FRYL: variants seen among roughly 807,000 people sequenced by gnomAD.
FRYL encodes the protein protein furry homolog-like.
FRYL carries 150 observed loss-of-function variants against 351.2 expected under a neutral mutation model. The ratio of observed to expected loss-of-function variants is 0.43; its 90% CI spans 0.37 to 0.49. The LOEUF is 0.49. Among genes scored for constraint, FRYL ranks in the 20% least tolerant of loss-of-function variants. FRYL has a pLI of 0.00. For synonymous variants in FRYL, 1,153 were observed against 1,257.1 expected (o/e 0.92, Z 1.75); for missense variants, 3,036 against 3,619.3 (o/e 0.84, Z 4.13).
chr4:48,530,344 T>A (rs2148876576), intron 50 of FRYL, among the ~76,000 whole-genome samples: 1 of 152,252 alleles, frequency 6.6e-6, no homozygotes, highest in Admixed American at 6.5e-5. Flanking sequence ...CCTTCTTCAT[T>A]ACCTCTGCAA....
chr4:48,570,080 C>T (rs1353422567), intron 27 of FRYL, among the ~76,000 whole-genome samples: 1 of 152,184 alleles, frequency 6.6e-6, no homozygotes, highest in Non-Finnish European at 1.5e-5. Flanking sequence ...TCCCAAAATG[C>T]TGGGATTACA....
At chr4:48,557,149 G>C in intron 34 of FRYL, 31 bp from the exon 35 acceptor site, 1 of 1,556,054 alleles carries the variant, frequency 6.4e-7, no homozygotes, top group Non-Finnish European at 8.7e-7. Flanking sequence ...AGATACTTCA[G>C]TCATGACTGC....
chr4:48,550,908 C>A (rs1201331353), intron 37 of FRYL, among the ~76,000 whole-genome samples: 2 of 152,098 alleles, frequency 1.3e-5, no homozygotes, highest in Non-Finnish European at 2.9e-5. Context: ...CCCGTGTCTA[C>A]TAAAATACCA....
At chr4:48,715,108 T>C (rs1312970490) in intron 1 of FRYL, among the ~76,000 whole-genome samples, 3 of 152,136 alleles carry the variant, frequency 2.0e-5, no homozygotes, top group Non-Finnish European at 4.4e-5. Context: ...AATTAGGTAT[T>C]GATGGGACGT....
At chr4:48,740,263 A>G (rs1771894429) in intron 1 of FRYL, among the ~76,000 whole-genome samples, 1 of 151,876 alleles carries the variant, frequency 6.6e-6, no homozygotes. Context: ...AGAACTCTTA[A>G]AATTCAACAA....
chr4:48,763,686 C>T (rs1184782316), intron 1 of FRYL, among the ~76,000 whole-genome samples: 1 of 152,110 alleles, frequency 6.6e-6, no homozygotes, highest in African/African-American at 2.4e-5. Flanking sequence ...AAAGGTCATA[C>T]TAAACACTGA....
chr4:48,651,159 GCTCAA>G (rs1757548480), intron 3 of FRYL, among the ~76,000 whole-genome samples: 2 of 152,022 alleles, frequency 1.3e-5, no homozygotes, highest in African/African-American at 4.8e-5. Flanking sequence ...GGGCTCCTGG[GCTCAA>G]GCAATCCTCT....
At chr4:48,520,247 A>C (rs1169171113) in intron 55 of FRYL, among the ~76,000 whole-genome samples, 1 of 152,248 alleles carries the variant, frequency 6.6e-6, no homozygotes, top group Non-Finnish European at 1.5e-5. Flanking sequence ...TAAGGAAGCC[A>C]AAGTGCCTTC....
chr4:48,664,206 T>C (rs1467192904), intron 3 of FRYL, among the ~76,000 whole-genome samples: 2 of 152,084 alleles, frequency 1.3e-5, no homozygotes, highest in Non-Finnish European at 2.9e-5. Context: ...CTCCAGGAAA[T>C]ATTAAAGTAG....
intron 4 of FRYL, among the ~76,000 whole-genome samples, chr4:48,633,777 G>C (rs538426337): frequency 2.6e-5 from 4 of 152,182 alleles, no homozygotes; most frequent in Non-Finnish European, 5.9e-5. Context: ...CCTGAACTAT[G>C]TACAATAACT....
Position 48,540,002 on chromosome 4 carries a change from A to C in FRYL, c.6362T>G (p.Phe2121Cys), listed in dbSNP as rs768358789. The change falls in exon 47 of 64, where the codon TTT (phenylalanine) becomes TGT (cysteine). Residue 2121 changes from phenylalanine to cysteine, a missense_variant. Physicochemically the swap from Phe to Cys is radical, Grantham distance 205 (BLOSUM62 -2). Transcript: ENST00000358350. ...LIQHFDSPTQ[F>C]CKETASRIAK... ...TATTCGACTAGCTGTTTCTTTGCAAAACTGAGTTGGGCTGTCAAAATGCTG... is the reference window on the plus strand; with the variant it reads ...TATTCGACTAGCTGTTTCTTTGCAACACTGAGTTGGGCTGTCAAAATGCTG... 6.2e-7 allele frequency: 1 copy of C among 1,613,268 alleles called. No homozygotes were observed. Among genetic ancestry groups the C allele is most frequent in the East Asian group, 2.2e-5 (1 of 44,802 alleles).
chr4:48,505,486 C>CA (rs953496669), intron 60 of FRYL, 61 bp downstream of exon 60: 2 of 875,482 alleles, frequency 2.3e-6, no homozygotes, highest in African/African-American at 3.3e-5. Context: ...TATTTGAACA[C>CA]ATGCATTGTT....
At position 48,720,411 on chromosome 4, in the gene FRYL, T is replaced by G. The variant is rs200672232; in HGVS notation, c.-383-9713A>C. Among the ~76,000 whole-genome samples the G allele has an allele frequency of 5.9e-5, 9 of 151,978 alleles. 1 individual carries two copies. The East Asian group carries it at 1.7e-3, about 29-fold the overall frequency. On this transcript the variant is annotated intron_variant, in intron 1 of 63. Coordinates refer to ENST00000358350, the MANE Select transcript of FRYL (RefSeq NM_015030.2). ...ACTCAGAAGGCTGAGGCAGGAGAAC[T>G]GCTTGAACCCGGGAGGTGGAGGTTG...
chr4:48,655,555 A>G (rs1455409929), intron 3 of FRYL, among the ~76,000 whole-genome samples: 2 of 150,852 alleles, frequency 1.3e-5, no homozygotes, highest in African/African-American at 2.4e-5. Context: ...TTTATCCTCC[A>G]AAGTGATTTC....
At position 48,540,552 on chromosome 4, in the gene FRYL, A is replaced by G. The variant is rs1729942189; in HGVS notation, c.6096T>C (p.His2032=). 6.2e-7 allele frequency: 1 copy of G among 1,613,708 alleles called. No homozygotes were observed. Among genetic ancestry groups the G allele is most frequent in the Non-Finnish European group, 8.5e-7 (1 of 1,179,662 alleles). The change falls in exon 46 of 64, where the codon CAT becomes CAC. Residue 2032 remains histidine (H), a synonymous_variant. Coordinates refer to ENST00000358350, the MANE Select transcript of FRYL (RefSeq NM_015030.2). The part of the protein sequence containing the change: ...ALRLLNKLLI[H]LPLDKSESRE... ...GACTCTCTGATTTATCCAAAGGCAA[A>G]TGGATAAGCAGTTTGTTGAGAAGCC...
chr4:48,695,799 T>A (rs1766104199), intron 2 of FRYL, among the ~76,000 whole-genome samples: 1 of 151,846 alleles, frequency 6.6e-6, no homozygotes, highest in Admixed American at 6.6e-5. Context: ...AGGTCTAATA[T>A]CCAGAATCTA....
intron 3 of FRYL, among the ~76,000 whole-genome samples, chr4:48,636,487 A>G (rs1343542295): frequency 6.6e-6 from 1 of 152,020 alleles, no homozygotes; most frequent in African/African-American, 2.4e-5. Context: ...AACTTCTAAA[A>G]TGACATTCTA....
chr4:48,739,126 C>A (rs1437438632), intron 1 of FRYL, among the ~76,000 whole-genome samples: 1 of 152,078 alleles, frequency 6.6e-6, no homozygotes, highest in Non-Finnish European at 1.5e-5. Context: ...ACTGGCTGGG[C>A]ACGGTGGCTC....
rs979241448 is a variant in FRYL at position 48,549,725 on chromosome 4, T to TA, written c.4634-103dup. 29 of 948,492 alleles carry TA rather than the reference T, an allele frequency of 3.1e-5. No individual in the cohort carries two copies. The highest frequency in any genetic ancestry group is 5.6e-5 in the East Asian group (2 of 35,962). 58.8% of individuals were successfully genotyped at this position (948,492 alleles called of 1,614,324 possible). On this transcript the variant is annotated intron_variant, in intron 38 of 63. Coordinates refer to ENST00000358350, the MANE Select transcript of FRYL (RefSeq NM_015030.2). This position sits in a 1 kb window ranked among gnomAD's most constrained non-coding sequence, Gnocchi z 4.2. ...CTATTTATATAGTATTGGAAAGTGATAAAAAAAATTTCCCACTATTTCAAC... is the reference window on the plus strand; with the variant it reads ...CTATTTATATAGTATTGGAAAGTGATAAAAAAAAATTTCCCACTATTTCAAC...
Sources: allele counts gnomAD v4.1 joint callset (sites outside exome capture counted in the v4.1 genomes callset), GRCh38; gene constraint gnomAD v4.1.1; non-coding constraint Gnocchi (gnomAD v3.1); transcripts MANE v1.5; gene names NCBI Gene and HGNC (gene_info 2026-07-23, HGNC 2026-07-21).